Variants in AGRN observed in about 807,000 individuals in gnomAD.
The protein encoded by AGRN is agrin proteoglycan.
A neutral mutation model predicts 211.0 loss-of-function variants in AGRN; 106 were observed. The observed-to-expected ratio is 0.50, with a 90% CI of 0.43 to 0.59. The LOEUF is 0.59. Ranked by LOEUF, AGRN falls within the 20% of genes least tolerant of loss-of-function variation. AGRN has a pLI of 0.00. For synonymous variants in AGRN, 1,525 were observed against 1,332.5 expected (o/e 1.14, Z -3.15); for missense variants, 3,040 against 2,982.6 (o/e 1.02, Z -0.45).
At chr1:1,030,828 G>A (rs1488161242) in intron 2 of AGRN, among the ~76,000 whole-genome samples, 1 of 134,080 alleles carries the variant, frequency 7.5e-6, no homozygotes, top group African/African-American at 2.9e-5. Context: ...TGTGTGCAGT[G>A]CATGGTGCTG....
chr1:1,049,485 C>G, intron 25 of AGRN, 34 bp downstream of exon 25: 3 of 1,600,448 alleles, frequency 1.9e-6, no homozygotes, highest in Non-Finnish European at 2.5e-6. Flanking sequence ...GGCCCCGACC[C>G]CGGCCCTTTG....
chr1:1,050,377 C>A (rs578006345), intron 28 of AGRN, 48 bp downstream of exon 28: 2 of 1,612,770 alleles, frequency 1.2e-6, no homozygotes, highest in Non-Finnish European at 1.7e-6. Flanking sequence ...ACCTCCGTCT[C>A]TCCTGTGGGG....
At chr1:1,024,681 C>T (rs775254333) in intron 2 of AGRN, among the ~76,000 whole-genome samples, 3 of 152,170 alleles carry the variant, frequency 2.0e-5, no homozygotes, top group Non-Finnish European at 4.4e-5. Context: ...CTCAGCTCTA[C>T]TGAGGACTTC....
chr1:1,049,964 C>G lies in AGRN; in HGVS notation c.4806C>G (p.Pro1602=), dbSNP rs1394850181. 1.9e-6 allele frequency: 3 copies of G among 1,612,010 alleles called. No individual in the cohort carries two copies. The African/African-American group carries it at 4.0e-5, about 22-fold the overall frequency. Residue 1602 remains proline, a synonymous_variant, in exon 27 of 36, where the codon CCC becomes CCG. Coordinates refer to ENST00000379370, the MANE Select transcript of AGRN (RefSeq NM_198576.4). Reference sequence around the variant, plus strand: ...CCAACCCCTGCCATGGGGCGGCGCCCTGCCGTGTGCTGCCCGAGGGTGGTG... The same window carrying G: ...CCAACCCCTGCCATGGGGCGGCGCCGTGCCGTGTGCTGCCCGAGGGTGGTG... ...CQPNPCHGAA[P]CRVLPEGGAQ...
rs781405874 is a variant in AGRN at position 1,046,686 on chromosome 1, C to T, written c.3201C>T (p.Ser1067=). 1.1e-5 allele frequency: 17 copies of T among 1,585,210 alleles called. No individual in the cohort carries two copies. The highest frequency in any genetic ancestry group is 7.9e-5 in the South Asian group (7 of 89,086). Residue 1067 remains serine, a synonymous_variant, in exon 18 of 36, where the codon AGC becomes AGT. Coordinates refer to ENST00000379370, the MANE Select transcript of AGRN (RefSeq NM_198576.4). ...FGESGSTDGS[S]DEELSGDQEA... is the part of the protein sequence containing the mutation. Reference sequence around the variant, plus strand: ...AATCTGGCAGCACTGATGGAAGCAGCGATGAGGAACTGAGCGGGGACCAGG... The same window carrying T: ...AATCTGGCAGCACTGATGGAAGCAGTGATGAGGAACTGAGCGGGGACCAGG...
At chr1:1,046,357 G>A in intron 17 of AGRN, 40 bp from the exon 18 acceptor site, 1 of 1,600,610 alleles carries the variant, frequency 6.2e-7, no homozygotes, top group Non-Finnish European at 8.5e-7. Flanking sequence ...ACCTGACCCT[G>A]TCCCAACCGG....
rs2100563916 is a variant in AGRN, at chr1:1,022,471, T to G, written c.463+9T>G. The G allele has an allele frequency of 1.2e-6, 2 of 1,600,034 alleles. No homozygotes were observed. Among genetic ancestry groups the G allele is most frequent in the Non-Finnish European group, 8.5e-7 (1 of 1,171,184 alleles). ...GGAGTTCTGTGTGGAAGGTGCGTGGTGGGGGGCTCGTGTGGGGGCCTGTGG... is the reference window on the plus strand; with the variant it reads ...GGAGTTCTGTGTGGAAGGTGCGTGGGGGGGGGCTCGTGTGGGGGCCTGTGG... On this transcript the variant is annotated intron_variant, in intron 2 of 35. Transcript: ENST00000379370.
chr1:1,047,254 C>T (rs1355359345), intron 19 of AGRN, 73 bp from the exon 20 acceptor site: 2 of 1,534,958 alleles, frequency 1.3e-6, no homozygotes, highest in Non-Finnish European at 1.7e-6. Context: ...TGGCTTGCTG[C>T]TGGGGCCTGT....
Position 1,055,406 on chromosome 1 carries a change from C to T in AGRN, c.*425C>T. 1 of 330,778 alleles carries T rather than the reference C, an allele frequency of 3.0e-6. No individual in the cohort carries two copies. Among genetic ancestry groups the T allele is most frequent in the Non-Finnish European group, 5.9e-6 (1 of 169,054 alleles). 20.5% of individuals were successfully genotyped at this position (330,778 alleles called of 1,614,324 possible). A position where few individuals can be genotyped will look rare whatever the true frequency, so the allele number is the denominator to read the frequency against. ...TTTCCAAGCCCCCATTTGAGCTGCTCCTTCCTGTGTGTGCTCTGGGCCCTG... is the reference window on the plus strand; with the variant it reads ...TTTCCAAGCCCCCATTTGAGCTGCTTCTTCCTGTGTGTGCTCTGGGCCCTG... On this transcript the variant is annotated 3_prime_UTR_variant, in exon 36 of 36. Coordinates refer to ENST00000379370, the MANE Select transcript of AGRN (RefSeq NM_198576.4).
intron 33 of AGRN, 144 bp downstream of exon 33, chr1:1,051,959 C>T (rs1417909858): frequency 1.2e-5 from 18 of 1,548,198 alleles, no homozygotes; most frequent in Middle Eastern, 1.7e-4. Context: ...TCCCGGTCCT[C>T]CCGCCTCTCA....
intron 1 of AGRN, 128 bp from the exon 2 acceptor site, chr1:1,022,071 CAG>C (rs1378845702): frequency 4.9e-6 from 6 of 1,214,158 alleles, no homozygotes; most frequent in South Asian, 1.3e-5. Context: ...CGGGCTGACT[CAG>C]AGGTCTCCCC....
Position 1,042,023 on chromosome 1 carries a change from C to G in AGRN, c.1245C>G (p.Ser415=), listed in dbSNP as rs766701966. The change falls in exon 7 of 36, where the codon TCC becomes TCG. Residue 415 remains serine, a synonymous_variant. Transcript: ENST00000379370. ...CCCGCCGTGGCCGTCCCCGCTGCTCCTGCGACCGCGTCACCTGTGACGGGG... is the reference window on the plus strand; with the variant it reads ...CCCGCCGTGGCCGTCCCCGCTGCTCGTGCGACCGCGTCACCTGTGACGGGG... ...CLSRRGRPRC[S]CDRVTCDGAY... 5.0e-6 allele frequency: 8 copies of G among 1,610,666 alleles called. No individual in the cohort carries two copies. In the South Asian group the frequency reaches 7.7e-5, roughly 15 times the overall value.
In AGRN at chr1:1,031,853, G is replaced by A. The variant is rs1644683516; in HGVS notation, c.464-3424G>A. On this transcript the variant is annotated intron_variant, in intron 2 of 35. Transcript: ENST00000379370. The surrounding 1 kb of genome is among the most constrained non-coding windows in gnomAD (Gnocchi z 4.8). ...GGGCTGGCGCGTGACCTGGTAGCAC[G>A]GCCTGGGTTTGACCCTGGCACTGCC... Among the ~76,000 whole-genome samples, 1 of 152,208 alleles carries A rather than the reference G, an allele frequency of 6.6e-6. No individual in the cohort carries two copies. The highest frequency in any genetic ancestry group is 1.5e-5 in the Non-Finnish European group (1 of 68,032).
In AGRN at chr1:1,026,987, T is replaced by G. The variant is rs148085271; in HGVS notation, c.463+4525T>G. ...GGATCTAGGGAATGAGGCAGGTCTC[T>G]AGCGGAGCCTGCAGCACTGAGGGAA... On this transcript the variant is annotated intron_variant, in intron 2 of 35. Coordinates refer to ENST00000379370, the MANE Select transcript of AGRN (RefSeq NM_198576.4). Among the ~76,000 whole-genome samples, 846 of 152,262 alleles carry G rather than the reference T, an allele frequency of 5.6e-3. 7 individuals carry two copies. Among genetic ancestry groups the G allele is most frequent in the African/African-American group, 0.019 (795 of 41,556 alleles).
chr1:1,046,969 G>T lies in AGRN; in HGVS notation c.3388+12G>T. On this transcript the variant is annotated intron_variant, in intron 19 of 35. Coordinates refer to ENST00000379370, the MANE Select transcript of AGRN (RefSeq NM_198576.4). Reference sequence around the variant, plus strand: ...CTCCAACTGCCCCGGTGAGTGGACGGCTGGGCGAGGGGAGTGTGAGGATAG... The same window carrying T: ...CTCCAACTGCCCCGGTGAGTGGACGTCTGGGCGAGGGGAGTGTGAGGATAG... 1 of 1,571,030 alleles carries T rather than the reference G, an allele frequency of 6.4e-7. No homozygotes were observed. The highest frequency in any genetic ancestry group is 1.9e-5 in the Admixed American group (1 of 53,220).
At chr1:1,053,732 G>A in intron 33 of AGRN, 21 bp from the exon 34 acceptor site, 1 of 1,578,506 alleles carries the variant, frequency 6.3e-7, no homozygotes, top group African/African-American at 1.3e-5. Context: ...TAGAGGCCCT[G>A]ACCTGCCCTC....
chr1:1,049,132 G>A, intron 24 of AGRN, 73 bp downstream of exon 24: 4 of 996,870 alleles, frequency 4.0e-6, no homozygotes, highest in Non-Finnish European at 5.3e-6. Context: ...GGGGGGGCCG[G>A]GGCAGCTCAG....
At chr1:1,054,713 G>C in intron 35 of AGRN, 111 bp from the exon 36 acceptor site, 1 of 1,497,022 alleles carries the variant, frequency 6.7e-7, no homozygotes, top group Non-Finnish European at 9.0e-7. Context: ...AGTGCTGTGG[G>C]GCCGGGAGGC....
At chr1:1,052,393 GTA>G (rs1267316997) in intron 33 of AGRN, 4 of 328,614 alleles carry the variant, frequency 1.2e-5, no homozygotes, top group Non-Finnish European at 2.4e-5. Flanking sequence ...ATGGGTCCAT[GTA>G]TATGTGTGTG....
Sources: gnomAD v4.1 joint callset for allele counts (sites outside exome capture counted in the v4.1 genomes callset) on GRCh38, gnomAD v4.1.1 for gene constraint, Gnocchi (gnomAD v3.1) non-coding constraint, MANE v1.5 for transcripts, NCBI Gene and HGNC (gene_info 2026-07-23, HGNC 2026-07-21) for gene names.